HIVEP2: variants seen among roughly 807,000 people sequenced by gnomAD.
HIVEP2 encodes the protein HIVEP zinc finger 2, also known as transcription factor HIVEP2.
Under a neutral mutation model 180.7 loss-of-function variants are expected in HIVEP2, and 14 were observed. The ratio of observed to expected loss-of-function variants is 0.08; its 90% CI spans 0.05 to 0.12. The LOEUF (loss-of-function observed/expected upper bound fraction) is 0.12. Among genes scored for constraint, HIVEP2 ranks in the 10% least tolerant of loss-of-function variants. HIVEP2 has a pLI of 1.00. For synonymous variants in HIVEP2, 1,184 were observed against 1,136.4 expected (o/e 1.04, Z -0.84); for missense variants, 2,579 against 3,008.5 (o/e 0.86, Z 3.34).
intron 2 of HIVEP2, among the ~76,000 whole-genome samples, chr6:142,826,769 A>C (rs556757824): frequency 6.6e-6 from 1 of 152,268 alleles, no homozygotes; most frequent in South Asian, 2.1e-4. Flanking sequence ...TTAGTATATA[A>C]TACTCACCTC....
intron 1 of HIVEP2, among the ~76,000 whole-genome samples, chr6:142,907,778 A>G (rs1777304252): frequency 6.6e-6 from 1 of 152,014 alleles, no homozygotes; most frequent in African/African-American, 2.4e-5. Context: ...TGTTCTTGTG[A>G]CCTCCCCTAG....
In HIVEP2 at chr6:142,823,091, C is replaced by T. The variant is rs376697908; in HGVS notation, c.-528+13844G>A. ...CAACACCATCTGCCATGGCTTCTTT[C>T]CTGCACCAGCTCCCCCTAGCGTCCT... is the stretch of plus-strand genomic sequence containing the variant. On this transcript the variant is annotated intron_variant, in intron 2 of 9. Coordinates refer to ENST00000367603, the MANE Select transcript of HIVEP2 (RefSeq NM_006734.4). 9.5e-4 allele frequency among the ~76,000 whole-genome samples: 145 copies of T among 152,280 alleles called. 2 individuals carry two copies. The highest frequency in any genetic ancestry group is 3.3e-3 in the African/African-American group (137 of 41,540).
At chr6:142,819,220 G>A (rs548367630) in intron 2 of HIVEP2, among the ~76,000 whole-genome samples, 1 of 152,118 alleles carries the variant, frequency 6.6e-6, no homozygotes, top group East Asian at 1.9e-4. Context: ...GTGAGACCCT[G>A]TCTCAAATTT....
At chr6:142,880,647 A>G (rs1351864308) in intron 1 of HIVEP2, among the ~76,000 whole-genome samples, 2 of 152,096 alleles carry the variant, frequency 1.3e-5, no homozygotes, top group South Asian at 2.1e-4. Context: ...CAAACGGGGA[A>G]AGCTGCCCTA....
chr6:142,815,094 A>G (rs949165898), intron 2 of HIVEP2, among the ~76,000 whole-genome samples: 1 of 152,066 alleles, frequency 6.6e-6, no homozygotes, highest in Non-Finnish European at 1.5e-5. Context: ...TAAGGAGCTC[A>G]CTCCCAAGAT....
intron 2 of HIVEP2, among the ~76,000 whole-genome samples, chr6:142,793,249 A>C (rs1225701215): frequency 6.6e-6 from 1 of 152,176 alleles, no homozygotes; most frequent in East Asian, 1.9e-4. Flanking sequence ...ATTTTTTAAA[A>C]ACTGTATATA....
intron 2 of HIVEP2, among the ~76,000 whole-genome samples, chr6:142,789,866 C>T (rs494153): frequency 0.049 from 7,494 of 152,036 alleles, 271 homozygotes; most frequent in Non-Finnish European, 0.076. Flanking sequence ...AGGATCAATG[C>T]TCCACTGAAA....
intron 2 of HIVEP2, among the ~76,000 whole-genome samples, chr6:142,785,008 C>T (rs1775950596): frequency 6.6e-6 from 1 of 152,006 alleles, no homozygotes; most frequent in Non-Finnish European, 1.5e-5. Flanking sequence ...CTGCCTCAGC[C>T]TCCCAAGTAG....
At chr6:142,926,025 G>C (rs963164361) in intron 1 of HIVEP2, among the ~76,000 whole-genome samples, 9 of 152,084 alleles carry the variant, frequency 5.9e-5, no homozygotes. Flanking sequence ...TATCATACCT[G>C]CAAGTATGGA....
At chr6:142,755,578 G>A (rs1221750084) in intron 9 of HIVEP2, among the ~76,000 whole-genome samples, 3 of 152,154 alleles carry the variant, frequency 2.0e-5, no homozygotes, top group East Asian at 1.9e-4. Context: ...CAGTCAGAAT[G>A]TGGATCTGTG....
intron 9 of HIVEP2, among the ~76,000 whole-genome samples, chr6:142,756,683 C>CA (rs71550983): frequency 5.8e-4 from 84 of 146,000 alleles, no homozygotes; most frequent in Middle Eastern, 3.4e-3. Context: ...ATTTATTTAT[C>CA]AAAAAAAAAA....
chr6:142,866,111 C>A (rs1034902247), intron 1 of HIVEP2, among the ~76,000 whole-genome samples: 10 of 120,328 alleles, frequency 8.3e-5, no homozygotes, highest in African/African-American at 2.7e-4. Context: ...AGGTAAGCAG[C>A]ATGCTGCAAC....
chr6:142,911,773 T>A (rs1355486989), intron 1 of HIVEP2, among the ~76,000 whole-genome samples: 2 of 152,112 alleles, frequency 1.3e-5, no homozygotes, highest in Non-Finnish European at 2.9e-5. Flanking sequence ...TGTGTGTGAG[T>A]GTTTGTGTGT....
rs1240425465 is a variant in HIVEP2, at chr6:142,772,495, T to TTCG, written c.2241_2243dup (p.His747_Glu748insAsp). On this transcript the variant is annotated inframe_insertion, in exon 5 of 10. Transcript: ENST00000367603. The surrounding 1 kb of genome is among the most constrained non-coding windows in gnomAD (Gnocchi z 4.9). ...GTTCCGTGTGACCATGAGAAAGGTTTTCGTGTCCAGCCATGGCAAATCCAC... is the reference window on the plus strand; with the variant it reads ...GTTCCGTGTGACCATGAGAAAGGTTTTCGTCGTGTCCAGCCATGGCAAATCCAC... 6.2e-7 allele frequency: 1 copy of TTCG among 1,614,084 alleles called. No individual in the cohort carries two copies. The highest frequency in any genetic ancestry group is 2.2e-5 in the East Asian group (1 of 44,878).
rs1233478702 is a variant in HIVEP2 at position 142,773,880 on chromosome 6, A to G, written c.859T>C (p.Leu287=). ...QSTDTDEESS[L]FAEASDKMSP... is the part of the protein sequence containing the mutation. ...ATTTTGTCAGAAGCCTCGGCAAATA[A>G]AGAACTCTCCTCATCTGTGTCTGTA... Residue 287 remains leucine (L), a synonymous_variant, in exon 5 of 10, where the codon TTA becomes CTA. Transcript: ENST00000367603. 2 of 1,613,726 alleles carry G rather than the reference A, an allele frequency of 1.2e-6. No homozygotes were observed. Among genetic ancestry groups the G allele is most frequent in the Non-Finnish European group, 1.7e-6 (2 of 1,180,022 alleles).
At chr6:142,854,062 T>C (rs771827429) in intron 1 of HIVEP2, among the ~76,000 whole-genome samples, 2 of 152,216 alleles carry the variant, frequency 1.3e-5, no homozygotes, top group Non-Finnish European at 2.9e-5. Context: ...TTTCTTACTC[T>C]GGTTTCTTAA....
At chr6:142,841,393 G>A (rs893990164) in intron 1 of HIVEP2, among the ~76,000 whole-genome samples, 2 of 152,180 alleles carry the variant, frequency 1.3e-5, no homozygotes, top group African/African-American at 2.4e-5. Context: ...CCAGTATGAT[G>A]TGACTGGCAT....
chr6:142,757,224 G>A (rs1191076749), intron 9 of HIVEP2, among the ~76,000 whole-genome samples: 1 of 152,118 alleles, frequency 6.6e-6, no homozygotes, highest in Non-Finnish European at 1.5e-5. Context: ...GGGACGAACT[G>A]TCCCTACATC....
chr6:142,759,219 C>T (rs1246582494), intron 9 of HIVEP2, among the ~76,000 whole-genome samples: 1 of 152,116 alleles, frequency 6.6e-6, no homozygotes, highest in Non-Finnish European at 1.5e-5. Context: ...GGGAGAATCG[C>T]TTCAACCTGG....
Sources: allele counts gnomAD v4.1 joint callset (sites outside exome capture counted in the v4.1 genomes callset), GRCh38; gene constraint gnomAD v4.1.1; non-coding constraint Gnocchi (gnomAD v3.1); transcripts MANE v1.5; gene names NCBI Gene and HGNC (gene_info 2026-07-23, HGNC 2026-07-21).